The following NBEAL1 variants were observed in gnomAD, a reference collection of about 807,000 sequenced individuals.
The protein encoded by NBEAL1 is neurobeachin like 1.
In NBEAL1, 273 loss-of-function variants were observed where a neutral mutation model predicts 351.3. That is an observed-to-expected ratio of 0.78 (90% CI 0.70 to 0.86). The LOEUF is 0.86. NBEAL1 is among the 40% of genes least tolerant of loss of function. The probability of loss-of-function intolerance (pLI) is 0.00; values close to 1 mark genes in which losing one functional copy is unlikely to be tolerated. For missense variants in NBEAL1, 2,961 were observed against 3,201.3 expected, an observed-to-expected ratio of 0.92 and a Z score of 1.81; for synonymous variants, 1,050 against 1,086.4, an observed-to-expected ratio of 0.97 and a Z score of 0.66.
In NBEAL1 at chr2:203,208,637, G is replaced by A; in HGVS notation, c.7507G>A (p.Gly2503Arg). 6.2e-7 allele frequency: 1 copy of A among 1,600,166 alleles called. No individual in the cohort carries two copies. The highest frequency in any genetic ancestry group is 1.3e-5 in the African/African-American group (1 of 74,512). Residue 2503 changes from glycine to arginine, a missense_variant and splice_region_variant, in exon 52 of 56, where the codon GGA becomes AGA. Gly to Arg is a moderately radical substitution (Grantham distance 125). Coordinates refer to ENST00000683969, the MANE Select transcript of NBEAL1 (RefSeq NM_001378026.1). ...CTTTGCTTTTCTCTTGTATTATTAG[G>A]GAGGTGTTCCTGTGGGCTTAGCATC... ...TCMIWQITQQGGVPVGLASKP... is the reference protein window; with the variant it reads ...TCMIWQITQQRGVPVGLASKP...
At chr2:203,194,202 A>G (rs577512207) in intron 47 of NBEAL1, among the ~76,000 whole-genome samples, 1 of 152,292 alleles carries the variant, frequency 6.6e-6, no homozygotes, top group Non-Finnish European at 1.5e-5. Flanking sequence ...AATCGAGATG[A>G]TATGTAGATG....
Position 203,116,041 on chromosome 2 carries a change from G to A in NBEAL1, c.2563G>A (p.Gly855Ser). The A allele has an allele frequency of 6.4e-7, 1 of 1,553,536 alleles. No individual in the cohort carries two copies. The highest frequency in any genetic ancestry group is 8.7e-7 in the Non-Finnish European group (1 of 1,147,344). ...CQESDMADLP[G>S]NILLYYTAKA... ...AGAGTCTGACATGGCCGACCTGCCT[G>A]GTAACATCCTTCTTTACTACACAGC... Residue 855 changes from glycine (G) to serine (S), a missense_variant, in exon 18 of 56, where the codon GGT becomes AGT. Transcript: ENST00000683969.
chr2:203,075,705 G>A (rs146585746), intron 7 of NBEAL1, among the ~76,000 whole-genome samples: 1 of 152,326 alleles, frequency 6.6e-6, no homozygotes, highest in Admixed American at 6.5e-5. Context: ...GCAAATGGCT[G>A]TGTTCTTTTA....
chr2:203,046,965 G>A (rs1035745132), intron 3 of NBEAL1, among the ~76,000 whole-genome samples: 8 of 152,084 alleles, frequency 5.3e-5, no homozygotes, highest in African/African-American at 1.4e-4. Context: ...ATCTGAGGTC[G>A]GGATTTCGAG....
chr2:203,145,444 G>A (rs888103891), intron 33 of NBEAL1, among the ~76,000 whole-genome samples: 3 of 152,140 alleles, frequency 2.0e-5, no homozygotes, highest in Non-Finnish European at 4.4e-5. Context: ...GAAATTTACA[G>A]GACATAATGT....
At chr2:203,105,488 A>G (rs1171090844) in intron 12 of NBEAL1, among the ~76,000 whole-genome samples, 1 of 151,834 alleles carries the variant, frequency 6.6e-6, no homozygotes, top group African/African-American at 2.4e-5. Context: ...AAAGCTGAAT[A>G]TATGCTCCCA....
At chr2:203,134,457 G>T (rs576986573) in intron 27 of NBEAL1, among the ~76,000 whole-genome samples, 1 of 152,218 alleles carries the variant, frequency 6.6e-6, no homozygotes, top group Admixed American at 6.5e-5. Flanking sequence ...TCACGTCATT[G>T]TGACTCCTTG....
chr2:203,175,387 C>A, intron 42 of NBEAL1, 100 bp downstream of exon 42: 1 of 1,213,300 alleles, frequency 8.2e-7, no homozygotes, highest in Non-Finnish European at 1.2e-6. Flanking sequence ...TTTTTATTCT[C>A]CTGTATTAAA....
chr2:203,106,181 C>G (rs911814074), intron 12 of NBEAL1, among the ~76,000 whole-genome samples: 2 of 152,150 alleles, frequency 1.3e-5, no homozygotes, highest in Non-Finnish European at 2.9e-5. Flanking sequence ...AAGCATAGTG[C>G]CAGGCACATG....
At chr2:203,187,278 G>A (rs1198022141) in intron 44 of NBEAL1, among the ~76,000 whole-genome samples, 1 of 149,066 alleles carries the variant, frequency 6.7e-6, no homozygotes, top group Non-Finnish European at 1.5e-5. Flanking sequence ...GGCTGGTCTT[G>A]AATTCCTGGG....
At chr2:203,185,813 C>T (rs1184778493) in intron 44 of NBEAL1, among the ~76,000 whole-genome samples, 1 of 152,200 alleles carries the variant, frequency 6.6e-6, no homozygotes, top group Non-Finnish European at 1.5e-5. Flanking sequence ...ACTCTTTCTT[C>T]ATAGCATAAC....
intron 10 of NBEAL1, among the ~76,000 whole-genome samples, chr2:203,095,572 T>C (rs2062165603): frequency 6.6e-6 from 1 of 151,920 alleles, no homozygotes; most frequent in African/African-American, 2.4e-5. Context: ...ATTACAGGCG[T>C]GAGCCACCGC....
intron 12 of NBEAL1, among the ~76,000 whole-genome samples, chr2:203,105,911 T>C (rs1306044103): frequency 1.3e-5 from 2 of 152,232 alleles, no homozygotes; most frequent in Non-Finnish European, 2.9e-5. Flanking sequence ...GAGTTTTTCT[T>C]CATTAATAAA....
At chr2:203,115,509 C>T (rs551895989) in intron 17 of NBEAL1, among the ~76,000 whole-genome samples, 1 of 152,274 alleles carries the variant, frequency 6.6e-6, no homozygotes, top group East Asian at 1.9e-4. Flanking sequence ...AATCTCAGAT[C>T]ACTGCAACTT....
At chr2:203,185,935 T>A (rs1316655438) in intron 44 of NBEAL1, among the ~76,000 whole-genome samples, 1 of 152,250 alleles carries the variant, frequency 6.6e-6, no homozygotes, top group Non-Finnish European at 1.5e-5. Context: ...TGTAGCTATC[T>A]TAAATCAACA....
intron 9 of NBEAL1, among the ~76,000 whole-genome samples, chr2:203,083,891 T>G (rs1472075060): frequency 6.6e-6 from 1 of 152,268 alleles, no homozygotes; most frequent in East Asian, 1.9e-4. Context: ...TGTATGTGCC[T>G]CTATAACATC....
intron 2 of NBEAL1, 55 bp from the exon 3 acceptor site, chr2:203,041,710 C>G: frequency 8.5e-7 from 1 of 1,180,702 alleles, no homozygotes; most frequent in Middle Eastern, 1.9e-4. Context: ...GGTGTAGAAG[C>G]ATTTTTTTTT....
chr2:203,057,971 G>T (rs994930617), intron 6 of NBEAL1, among the ~76,000 whole-genome samples: 41 of 151,904 alleles, frequency 2.7e-4, no homozygotes, highest in African/African-American at 9.4e-4. Flanking sequence ...AGCCTACCGA[G>T]TAGCTGGGAT....
At chr2:203,087,090 CTTTTT>C (rs1003638123) in intron 10 of NBEAL1, among the ~76,000 whole-genome samples, 1 of 121,062 alleles carries the variant, frequency 8.3e-6, no homozygotes, top group Admixed American at 8.8e-5. Context: ...CTTTTTCACT[CTTTTT>C]TTTTTTTTTT....
Sources: allele counts gnomAD v4.1 joint callset (sites outside exome capture counted in the v4.1 genomes callset), GRCh38; gene constraint gnomAD v4.1.1; transcripts MANE v1.5; gene names NCBI Gene and HGNC (gene_info 2026-07-23, HGNC 2026-07-21).